Variants in RAF1 observed in about 807,000 individuals in gnomAD.
RAF1 encodes Raf-1 proto-oncogene, serine/threonine kinase.
Under a neutral mutation model 81.1 loss-of-function variants are expected in RAF1, and 27 were observed. That is an observed-to-expected ratio of 0.33 (90% CI 0.25 to 0.46). The LOEUF is 0.46. Among genes scored for constraint, RAF1 ranks in the 20% least tolerant of loss-of-function variants. RAF1 has a pLI of 1.00. For synonymous variants in RAF1, 298 were observed against 294.0 expected (o/e 1.01, Z -0.14); for missense variants, 598 against 826.0 (o/e 0.72, Z 3.38).
chr3:12,645,097 CAAAAAAAAAAA>C (rs11401342), intron 1 of RAF1, among the ~76,000 whole-genome samples: 5 of 65,060 alleles, frequency 7.7e-5, no homozygotes, highest in Admixed American at 1.8e-4. Context: ...GACTCAGTCT[CAAAAAAAAAAA>C]AAAAAAAAAA....
intron 1 of RAF1, among the ~76,000 whole-genome samples, chr3:12,659,323 G>A (rs933795026): frequency 2.7e-5 from 4 of 147,774 alleles, no homozygotes; most frequent in African/African-American, 9.9e-5. Context: ...AGCTACTCGG[G>A]AGGCTGAGGC....
At chr3:12,663,233 G>A (rs1042417440) in intron 1 of RAF1, among the ~76,000 whole-genome samples, 2 of 152,168 alleles carry the variant, frequency 1.3e-5, no homozygotes, top group African/African-American at 4.8e-5. Flanking sequence ...AAAGCGTCCT[G>A]AGGCCAATCC....
intron 1 of RAF1, among the ~76,000 whole-genome samples, chr3:12,633,411 G>T (rs147951645): frequency 6.6e-6 from 1 of 151,258 alleles, no homozygotes; most frequent in Non-Finnish European, 1.5e-5. Flanking sequence ...TCAGGAGGTC[G>T]AGGCTGCCAA....
At chr3:12,596,008 G>A (rs1028018659) in intron 11 of RAF1, among the ~76,000 whole-genome samples, 4 of 149,920 alleles carry the variant, frequency 2.7e-5, no homozygotes, top group East Asian at 2.0e-4. Context: ...CTCGAGTAGC[G>A]GGGACAACAG....
chr3:12,639,229 A>G (rs1429303560), intron 1 of RAF1, among the ~76,000 whole-genome samples: 1 of 152,180 alleles, frequency 6.6e-6, no homozygotes, highest in African/African-American at 2.4e-5. Context: ...TCTCAAAATA[A>G]TAAGAGCTAT....
At chr3:12,647,440 A>T (rs977902447) in intron 1 of RAF1, among the ~76,000 whole-genome samples, 2 of 151,086 alleles carry the variant, frequency 1.3e-5, no homozygotes, top group Non-Finnish European at 2.9e-5. Flanking sequence ...ATCTCTACAA[A>T]AAATCAGCCA....
intron 1 of RAF1, among the ~76,000 whole-genome samples, chr3:12,620,021 G>C (rs1283940614): frequency 6.6e-6 from 1 of 152,116 alleles, no homozygotes; most frequent in East Asian, 1.9e-4. Context: ...GGCAGAGCTT[G>C]CGGTGAGCTG....
chr3:12,647,886 G>C (rs566958189), intron 1 of RAF1, among the ~76,000 whole-genome samples: 1 of 152,266 alleles, frequency 6.6e-6, no homozygotes, highest in South Asian at 2.1e-4. Context: ...TCTTCTAAAA[G>C]TTAGCAGGGG....
intron 8 of RAF1, among the ~76,000 whole-genome samples, chr3:12,602,076 G>C (rs1025085826): frequency 6.6e-6 from 1 of 152,136 alleles, no homozygotes; most frequent in Non-Finnish European, 1.5e-5. Context: ...CTATGTAGCA[G>C]AATATTTTCC....
At chr3:12,613,426 C>G (rs534667289) in intron 2 of RAF1, among the ~76,000 whole-genome samples, 1 of 151,756 alleles carries the variant, frequency 6.6e-6, no homozygotes, top group Non-Finnish European at 1.5e-5. Flanking sequence ...GCCATCCCCC[C>G]CCACACCCCG....
intron 1 of RAF1, among the ~76,000 whole-genome samples, chr3:12,620,660 T>C (rs1017582285): frequency 2.0e-5 from 3 of 151,876 alleles, no homozygotes; most frequent in African/African-American, 7.3e-5. Flanking sequence ...GTTTTTTTTG[T>C]TGAGAAAGGC....
chr3:12,607,070 C>A (rs2059057998), intron 5 of RAF1, among the ~76,000 whole-genome samples: 1 of 152,196 alleles, frequency 6.6e-6, no homozygotes, highest in African/African-American at 2.4e-5. Flanking sequence ...TATAACATTT[C>A]ACAAACTATG....
chr3:12,617,398 A>C (rs1177940851), intron 2 of RAF1, among the ~76,000 whole-genome samples: 1 of 152,132 alleles, frequency 6.6e-6, no homozygotes, highest in African/African-American at 2.4e-5. Flanking sequence ...TACAGGCGTA[A>C]GCCACTGCAC....
At chr3:12,657,001 G>GAAAA (rs948327519) in intron 1 of RAF1, among the ~76,000 whole-genome samples, 2 of 147,494 alleles carry the variant, frequency 1.4e-5, no homozygotes, top group African/African-American at 4.9e-5. Flanking sequence ...CCATCTCGGG[G>GAAAA]AAAAAAAAAA....
rs762771343 is a variant in RAF1, at chr3:12,590,785, A to G, written c.1430+13T>C. 2 of 1,608,772 alleles carry G rather than the reference A, an allele frequency of 1.2e-6. No homozygotes were observed. Among genetic ancestry groups the G allele is most frequent in the South Asian group, 2.2e-5 (2 of 90,930 alleles). ...TGCCTGGGTCCCAGAGAGGCATCAGACCATCTACTCACTCCATTCCCTGAG... is the reference window on the plus strand; with the variant it reads ...TGCCTGGGTCCCAGAGAGGCATCAGGCCATCTACTCACTCCATTCCCTGAG... On this transcript the variant is annotated intron_variant, in intron 13 of 17. Coordinates refer to ENST00000442415, the MANE Select transcript of RAF1 (RefSeq NM_001354689.3).
chr3:12,620,843 ATTCT>A (rs549271368), intron 1 of RAF1, among the ~76,000 whole-genome samples: 140 of 152,208 alleles, frequency 9.2e-4, no homozygotes, highest in African/African-American at 3.3e-3. Context: ...AAATAACCAG[ATTCT>A]TTATCTGTTT....
In RAF1 at chr3:12,583,895, C is replaced by T. The variant is rs892470192; in HGVS notation, c.*619G>A. The T allele has an allele frequency of 7.7e-5, 18 of 235,084 alleles. No homozygotes were observed. Among genetic ancestry groups the T allele is most frequent in the Non-Finnish European group, 1.2e-4 (14 of 119,064 alleles). 14.6% of individuals were successfully genotyped at this position (235,084 alleles called of 1,614,324 possible). A position where few individuals can be genotyped will look rare whatever the true frequency, so the allele number is the denominator to read the frequency against. ...TGAGAGGGCTGAGATGCGGATTGGCCGAGTGCCTTGCCTGGAAAACCATCC... is the reference window on the plus strand; with the variant it reads ...TGAGAGGGCTGAGATGCGGATTGGCTGAGTGCCTTGCCTGGAAAACCATCC... On this transcript the variant is annotated 3_prime_UTR_variant, in exon 18 of 18. Transcript: ENST00000442415.
chr3:12,598,265 C>A (rs183093540), intron 11 of RAF1, among the ~76,000 whole-genome samples: 2 of 152,192 alleles, frequency 1.3e-5, no homozygotes, highest in Admixed American at 1.3e-4. Context: ...CCTGCCTCAG[C>A]CTCCCAAAGT....
In RAF1 at chr3:12,599,806, C is replaced by A. The variant is rs2125378685; in HGVS notation, c.1053G>T (p.Arg351Ser). The A allele has an allele frequency of 6.2e-7, 1 of 1,610,834 alleles. No homozygotes were observed. The highest frequency in any genetic ancestry group is 8.5e-7 in the Non-Finnish European group (1 of 1,176,976). ...AGCTTGAATCTCTCTGTCCACGAGGCCTCTGAAACAAGTAGAGATCATTAT... is the reference window on the plus strand; with the variant it reads ...AGCTTGAATCTCTCTGTCCACGAGGACTCTGAAACAAGTAGAGATCATTAT... Residue 351 changes from arginine (R) to serine (S), a missense_variant and splice_region_variant, in exon 11 of 18, where the codon AGG (arginine) becomes AGT (serine). Around this residue, in one of 5 missense-constraint regions of RAF1, gnomAD observed 194 missense variants for 202.7 expected, o/e 0.96. Coordinates refer to ENST00000442415, the MANE Select transcript of RAF1 (RefSeq NM_001354689.3).
Sources: allele counts gnomAD v4.1 joint callset (sites outside exome capture counted in the v4.1 genomes callset), GRCh38; gene constraint gnomAD v4.1.1; regional missense constraint gnomAD v4.1.1; transcripts MANE v1.5; gene names NCBI Gene and HGNC (gene_info 2026-07-23, HGNC 2026-07-21).